Variants in MACROD2 observed in about 807,000 individuals in gnomAD.
The protein encoded by MACROD2 is mono-ADP ribosylhydrolase 2, also known as ADP-ribose glycohydrolase MACROD2.
Under a neutral mutation model 70.4 loss-of-function variants are expected in MACROD2, and 36 were observed. That is an observed-to-expected ratio of 0.51 (90% CI 0.39 to 0.68). MACROD2 has a LOEUF of 0.68. Among genes scored for constraint, MACROD2 ranks in the 30% least tolerant of loss-of-function variants. MACROD2 has a pLI of 0.00. For synonymous variants in MACROD2, 172 were observed against 178.8 expected (o/e 0.96, Z 0.30); for missense variants, 496 against 538.4 (o/e 0.92, Z 0.78).
chr20:16,024,816 AT>A (rs945790076), intron 15 of MACROD2, among the ~76,000 whole-genome samples: 144 of 151,912 alleles, frequency 9.5e-4, no homozygotes, highest in African/African-American at 3.3e-3. Context: ...CAACTTTCAA[AT>A]TTTTTTTTAC....
intron 3 of MACROD2, among the ~76,000 whole-genome samples, chr20:14,438,582 T>C (rs2084085131): frequency 6.6e-6 from 1 of 152,212 alleles, no homozygotes; most frequent in Admixed American, 6.5e-5. Context: ...TTGTTAGCTC[T>C]TGTTTTTTGA....
At chr20:15,291,163 C>A (rs1290697114) in intron 6 of MACROD2, among the ~76,000 whole-genome samples, 1 of 152,192 alleles carries the variant, frequency 6.6e-6, no homozygotes, top group African/African-American at 2.4e-5. Flanking sequence ...CTTTTCACTT[C>A]CATTTTCAGA....
At chr20:14,788,856 C>T (rs559331588) in intron 5 of MACROD2, among the ~76,000 whole-genome samples, 2 of 148,622 alleles carry the variant, frequency 1.3e-5, no homozygotes, top group Non-Finnish European at 3.0e-5. Flanking sequence ...GCAATCTCCG[C>T]TTCCTGGGTT....
chr20:15,540,867 C>T (rs879737381), intron 8 of MACROD2, among the ~76,000 whole-genome samples: 3 of 152,158 alleles, frequency 2.0e-5, no homozygotes, highest in Non-Finnish European at 4.4e-5. Context: ...ACTGTGAGTT[C>T]TCCCTGTGTG....
intron 13 of MACROD2, among the ~76,000 whole-genome samples, chr20:15,972,637 C>T (rs982693999): frequency 6.6e-6 from 1 of 152,030 alleles, no homozygotes; most frequent in Admixed American, 6.6e-5. Flanking sequence ...TGGTGAAACC[C>T]CATCTCTACT....
intron 5 of MACROD2, among the ~76,000 whole-genome samples, chr20:14,745,259 T>G (rs1183831845): frequency 6.6e-6 from 1 of 152,224 alleles, no homozygotes; most frequent in African/African-American, 2.4e-5. Context: ...AGAAATATTT[T>G]TGTAAAGTAT....
At chr20:15,751,892 T>G (rs916661505) in intron 8 of MACROD2, among the ~76,000 whole-genome samples, 6 of 151,094 alleles carry the variant, frequency 4.0e-5, no homozygotes, top group Admixed American at 6.6e-5. Context: ...TTTTTTTCAG[T>G]CAGTGTACAT....
At chr20:14,903,322 T>C (rs529152058) in intron 5 of MACROD2, among the ~76,000 whole-genome samples, 1 of 152,194 alleles carries the variant, frequency 6.6e-6, no homozygotes, top group Admixed American at 6.5e-5. Context: ...ATTATAGGCG[T>C]GAGCCACTGC....
intron 3 of MACROD2, among the ~76,000 whole-genome samples, chr20:14,247,861 C>T (rs2081979884): frequency 6.6e-6 from 1 of 152,192 alleles, no homozygotes; most frequent in Non-Finnish European, 1.5e-5. Context: ...CAGAATTCCT[C>T]CTCATCCCTA....
chr20:15,155,372 C>CCTTTATACT (rs1433384011), intron 5 of MACROD2, among the ~76,000 whole-genome samples: 2 of 152,296 alleles, frequency 1.3e-5, no homozygotes, highest in Non-Finnish European at 2.9e-5. Flanking sequence ...TCTCTCTTGC[C>CCTTTATACT]CTTTATACTC....
intron 9 of MACROD2, among the ~76,000 whole-genome samples, chr20:15,879,037 T>C (rs1189584319): frequency 1.3e-5 from 2 of 152,166 alleles, no homozygotes; most frequent in Non-Finnish European, 2.9e-5. Context: ...TAAGATTAAA[T>C]GGAGCTTTAG....
intron 6 of MACROD2, among the ~76,000 whole-genome samples, chr20:15,254,204 G>T (rs2077179090): frequency 6.6e-6 from 1 of 152,184 alleles, no homozygotes; most frequent in South Asian, 2.1e-4. Context: ...AGGCAAAGGA[G>T]TGGTGTTTCA....
intron 8 of MACROD2, among the ~76,000 whole-genome samples, chr20:15,536,060 A>G (rs1160310163): frequency 2.0e-5 from 3 of 152,206 alleles, no homozygotes; most frequent in Admixed American, 2.0e-4. Context: ...TAAAACTGCA[A>G]CAGGCAGCAG....
chr20:14,073,109 G>T (rs1601188778), intron 2 of MACROD2, among the ~76,000 whole-genome samples: 1 of 152,116 alleles, frequency 6.6e-6, no homozygotes, highest in African/African-American at 2.4e-5. Context: ...GCCAAGGCAG[G>T]TGGATCACCT....
Position 15,761,807 on chromosome 20 carries a change from T to C in MACROD2, c.646-100938T>C, listed in dbSNP as rs576120130. ...TCCAAATGATTTCAAAAGAAAATAA[T>C]GCCTGCCAAAGCAAAGCAACTCATT... On this transcript the variant is annotated intron_variant, in intron 8 of 17. Coordinates refer to ENST00000684519, the MANE Select transcript of MACROD2 (RefSeq NM_001351661.2). Among the ~76,000 whole-genome samples, 5 of 152,306 alleles carry C rather than the reference T, an allele frequency of 3.3e-5. No homozygotes were observed. In the East Asian group the frequency reaches 9.7e-4, roughly 29 times the overall value.
chr20:15,372,130 A>G (rs746535983), intron 6 of MACROD2, among the ~76,000 whole-genome samples: 1 of 152,194 alleles, frequency 6.6e-6, no homozygotes, highest in East Asian at 1.9e-4. Context: ...TTTCATCTCT[A>G]TGGAAAAATA....
At chr20:15,121,527 A>AAAG (rs1555784800) in intron 5 of MACROD2, among the ~76,000 whole-genome samples, 1 of 151,224 alleles carries the variant, frequency 6.6e-6, no homozygotes, top group African/African-American at 2.4e-5. Context: ...AAAAAAAAAA[A>AAAG]AAAGAAAAAA....
At chr20:15,468,794 A>T (rs2046928444) in intron 7 of MACROD2, among the ~76,000 whole-genome samples, 1 of 152,178 alleles carries the variant, frequency 6.6e-6, no homozygotes, top group African/African-American at 2.4e-5. Context: ...CAGCAATCTC[A>T]ATCTCCATGC....
intron 5 of MACROD2, among the ~76,000 whole-genome samples, chr20:14,984,339 AGGTTTTTG>A (rs1217717122): frequency 6.6e-6 from 1 of 152,088 alleles, no homozygotes; most frequent in Non-Finnish European, 1.5e-5. Flanking sequence ...AAAAGGCAAT[AGGTTTTTG>A]TTTGTTTGTT....
Sources: gnomAD v4.1 joint callset for allele counts (sites outside exome capture counted in the v4.1 genomes callset) on GRCh38, gnomAD v4.1.1 for gene constraint, MANE v1.5 for transcripts, NCBI Gene and HGNC (gene_info 2026-07-23, HGNC 2026-07-21) for gene names.